Variants in BBS9 observed in about 807,000 individuals in gnomAD.
BBS9 encodes the protein Bardet-Biedl syndrome 9, also known as protein PTHB1.
In BBS9, 89 loss-of-function variants were observed where a neutral mutation model predicts 117.7. The ratio of observed to expected loss-of-function variants is 0.76; its 90% CI spans 0.64 to 0.90. The LOEUF (loss-of-function observed/expected upper bound fraction) is 0.90. Among genes scored for constraint, BBS9 ranks in the 40% least tolerant of loss-of-function variants. The pLI is 0.00. For missense variants in BBS9, 982 were observed against 1,042.2 expected (o/e 0.94, Z 0.80); for synonymous variants, 379 against 370.9 (o/e 1.02, Z -0.25).
chr7:33,491,599 T>C (rs1481372862), intron 19 of BBS9, among the ~76,000 whole-genome samples: 1 of 152,192 alleles, frequency 6.6e-6, no homozygotes, highest in African/African-American at 2.4e-5. Flanking sequence ...TGCTCTATGC[T>C]GGGGACACAG....
chr7:33,133,311 A>G (rs1221637009), intron 1 of BBS9, among the ~76,000 whole-genome samples: 1 of 152,184 alleles, frequency 6.6e-6, no homozygotes, highest in South Asian at 2.1e-4. Context: ...CCTTTTTTGT[A>G]TATTCACAGA....
In BBS9 at chr7:33,511,787, A is replaced by T. The variant is rs866688882; in HGVS notation, c.2298+6142A>T. ...AGAAAACAGATGTTTATAATAGGAA[A>T]TGCTATTGTGTGGAGGGAATTATCA... On this transcript the variant is annotated intron_variant, in intron 20 of 22. Coordinates refer to ENST00000242067, the MANE Select transcript of BBS9 (RefSeq NM_198428.3). Among the ~76,000 whole-genome samples the T allele has an allele frequency of 2.0e-5, 3 of 152,228 alleles. No homozygotes were observed. In the South Asian group the frequency reaches 6.2e-4, roughly 32 times the overall value.
intron 19 of BBS9, among the ~76,000 whole-genome samples, chr7:33,495,456 G>T (rs1844577355): frequency 6.6e-6 from 1 of 152,186 alleles, no homozygotes; most frequent in African/African-American, 2.4e-5. Flanking sequence ...AAACTATTCA[G>T]ATCAGACCTT....
At chr7:33,166,760 T>C (rs940295794) in intron 4 of BBS9, among the ~76,000 whole-genome samples, 1 of 152,094 alleles carries the variant, frequency 6.6e-6, no homozygotes, top group Non-Finnish European at 1.5e-5. Context: ...TGGGCAGGAG[T>C]GTCCCGTTTT....
chr7:33,524,425 G>A (rs1403655168), intron 20 of BBS9, among the ~76,000 whole-genome samples: 1 of 152,170 alleles, frequency 6.6e-6, no homozygotes, highest in Non-Finnish European at 1.5e-5. Context: ...CACAATTTCA[G>A]CTCCTGTTAT....
At chr7:33,391,147 G>A (rs572010191) in intron 19 of BBS9, among the ~76,000 whole-genome samples, 19 of 152,158 alleles carry the variant, frequency 1.2e-4, no homozygotes, top group Non-Finnish European at 1.8e-4. Flanking sequence ...CATACCTTCT[G>A]TTCAGTGTTT....
chr7:33,224,327 T>C (rs533765042), intron 5 of BBS9, among the ~76,000 whole-genome samples: 2 of 152,308 alleles, frequency 1.3e-5, no homozygotes, highest in South Asian at 4.1e-4. Context: ...AGAGCTGAGA[T>C]TTGGACCTGG....
At chr7:33,466,416 G>T (rs1277529681) in intron 19 of BBS9, among the ~76,000 whole-genome samples, 1 of 145,716 alleles carries the variant, frequency 6.9e-6, no homozygotes, top group African/African-American at 2.6e-5. Context: ...GGGCCCGCCC[G>T]GTTTATTTCA....
intron 21 of BBS9, among the ~76,000 whole-genome samples, chr7:33,582,664 T>A (rs1207299779): frequency 1.3e-5 from 2 of 152,102 alleles, no homozygotes; most frequent in African/African-American, 4.8e-5. Context: ...TTCATTTTAT[T>A]CAATTCAGTA....
intron 19 of BBS9, among the ~76,000 whole-genome samples, chr7:33,430,979 A>T (rs1834356405): frequency 6.6e-6 from 1 of 151,524 alleles, no homozygotes; most frequent in Non-Finnish European, 1.5e-5. Context: ...GCTTGAACTC[A>T]GGAGTTTCAG....
chr7:33,401,498 C>T (rs1828908687), intron 19 of BBS9, among the ~76,000 whole-genome samples: 1 of 148,084 alleles, frequency 6.8e-6, no homozygotes, highest in African/African-American at 2.5e-5. Context: ...GAGACATAGA[C>T]ATCAACCAAT....
intron 16 of BBS9, among the ~76,000 whole-genome samples, chr7:33,362,599 A>G (rs1429533251): frequency 6.6e-6 from 1 of 152,044 alleles, no homozygotes; most frequent in African/African-American, 2.4e-5. Context: ...TGCTTTCTTA[A>G]TTTTGTTCCA....
At chr7:33,427,495 C>G (rs1428031772) in intron 19 of BBS9, among the ~76,000 whole-genome samples, 1 of 152,086 alleles carries the variant, frequency 6.6e-6, no homozygotes, top group Non-Finnish European at 1.5e-5. Flanking sequence ...TATAGATTTC[C>G]TTTTAGGTTT....
downstream of BBS9, among the ~76,000 whole-genome samples, chr7:33,608,220 T>C (rs769607324): frequency 6.6e-6 from 1 of 151,984 alleles, no homozygotes; most frequent in Non-Finnish European, 1.5e-5. Flanking sequence ...GAAAAAGACA[T>C]GATCTTTTTT....
intron 19 of BBS9, among the ~76,000 whole-genome samples, chr7:33,501,604 C>G (rs1845454186): frequency 6.6e-6 from 1 of 152,184 alleles, no homozygotes; most frequent in South Asian, 2.1e-4. Flanking sequence ...CTGTGTTTAG[C>G]AAGTTGGGTG....
chr7:33,257,158 T>A, intron 5 of BBS9, 78 bp from the exon 6 acceptor site: 1 of 999,424 alleles, frequency 1.0e-6, no homozygotes, highest in Non-Finnish European at 1.4e-6. Flanking sequence ...AAGACATACA[T>A]GTTGTAGATA....
intron 20 of BBS9, among the ~76,000 whole-genome samples, chr7:33,514,613 A>C (rs750467707): frequency 1.3e-5 from 2 of 152,198 alleles, no homozygotes; most frequent in Non-Finnish European, 2.9e-5. Flanking sequence ...TGTAACATAA[A>C]ACACATCGAG....
At chr7:33,161,485 G>T (rs1794838991) in intron 4 of BBS9, among the ~76,000 whole-genome samples, 1 of 152,176 alleles carries the variant, frequency 6.6e-6, no homozygotes, top group Admixed American at 6.5e-5. Flanking sequence ...ATTCCATGGT[G>T]TATATGGGCT....
intron 5 of BBS9, among the ~76,000 whole-genome samples, chr7:33,213,067 G>C (rs1345660271): frequency 1.3e-5 from 2 of 152,204 alleles, no homozygotes; most frequent in Admixed American, 6.5e-5. Context: ...AGCAGGTGCT[G>C]ATGCCAGCCA....
Sources: allele counts gnomAD v4.1 joint callset (sites outside exome capture counted in the v4.1 genomes callset), GRCh38; gene constraint gnomAD v4.1.1; transcripts MANE v1.5; gene names NCBI Gene and HGNC (gene_info 2026-07-23, HGNC 2026-07-21).